Variants in DACH1 observed in about 807,000 individuals in gnomAD.
DACH1 encodes the protein dachshund homolog 1.
DACH1 carries 12 observed loss-of-function variants against 54.2 expected under a neutral mutation model. The ratio of observed to expected loss-of-function variants is 0.22; its 90% CI spans 0.14 to 0.36. The LOEUF is 0.36. Among genes scored for constraint, DACH1 ranks in the 10% least tolerant of loss-of-function variants. The pLI is 1.00. For synonymous variants in DACH1, 386 were observed against 366.2 expected (o/e 1.05, Z -0.62); for missense variants, 805 against 929.8 (o/e 0.87, Z 1.75).
intron 3 of DACH1, among the ~76,000 whole-genome samples, chr13:71,609,980 A>G (rs767831713): frequency 6.6e-6 from 1 of 152,222 alleles, no homozygotes. Context: ...GAAATGAGAC[A>G]TAGTCTTTAT....
At chr13:71,523,350 CATTA>C (rs1881733867) in intron 6 of DACH1, among the ~76,000 whole-genome samples, 1 of 152,128 alleles carries the variant, frequency 6.6e-6, no homozygotes, top group South Asian at 2.1e-4. Flanking sequence ...ATCACCCTCC[CATTA>C]ATTGTCTTCT....
chr13:71,470,087 G>A (rs1276854505), intron 10 of DACH1, among the ~76,000 whole-genome samples: 1 of 152,044 alleles, frequency 6.6e-6, no homozygotes, highest in Non-Finnish European at 1.5e-5. Context: ...CTTAAAAAGT[G>A]AAAGCAAAAA....
In DACH1 at chr13:71,567,628, A is replaced by G. The variant is rs1884970232; in HGVS notation, c.1299+5212T>C. 1.3e-5 allele frequency among the ~76,000 whole-genome samples: 2 copies of G among 152,032 alleles called. 1 individual carries two copies. Among genetic ancestry groups the G allele is most frequent in the South Asian group, 4.1e-4 (2 of 4,830 alleles). On this transcript the variant is annotated intron_variant, in intron 4 of 10. Transcript: ENST00000613252. ...TGTTGGTATATAAAGACTTCCAAAG[A>G]TTAAATAAATAGTAATTTAATCTTT... is the stretch of plus-strand genomic sequence containing the variant.
chr13:71,500,540 A>C (rs2138231371), intron 6 of DACH1, among the ~76,000 whole-genome samples: 1 of 152,308 alleles, frequency 6.6e-6, no homozygotes, highest in East Asian at 1.9e-4. Flanking sequence ...ATTATCATGG[A>C]ATTATAAAAA....
intron 7 of DACH1, among the ~76,000 whole-genome samples, chr13:71,486,325 C>T (rs1289330979): frequency 2.0e-5 from 3 of 152,014 alleles, no homozygotes; most frequent in Non-Finnish European, 4.4e-5. Context: ...ATAGAAAGCA[C>T]AGAACCCTAT....
intron 1 of DACH1, among the ~76,000 whole-genome samples, chr13:71,852,214 C>T (rs540728469): frequency 1.7e-4 from 26 of 152,288 alleles, no homozygotes; most frequent in South Asian, 1.0e-3. Context: ...AGTGACTACC[C>T]GCTGCTTAAC....
chr13:71,600,716 CCA>C (rs987033948), intron 3 of DACH1, among the ~76,000 whole-genome samples: 2 of 151,908 alleles, frequency 1.3e-5, no homozygotes, highest in Non-Finnish European at 2.9e-5. Flanking sequence ...TCAAAGTTAT[CCA>C]CAGATAGACT....
intron 1 of DACH1, among the ~76,000 whole-genome samples, chr13:71,814,562 A>G (rs951150631): frequency 2.6e-5 from 4 of 152,350 alleles, no homozygotes; most frequent in South Asian, 2.1e-4. Context: ...GCATTAAAGG[A>G]CTGAAATTAG....
chr13:71,717,844 T>C (rs527584781), intron 1 of DACH1, among the ~76,000 whole-genome samples: 3 of 151,998 alleles, frequency 2.0e-5, no homozygotes, highest in Admixed American at 6.6e-5. Flanking sequence ...TCTTTCGTTT[T>C]TTCAGTCAAA....
intron 1 of DACH1, among the ~76,000 whole-genome samples, chr13:71,763,075 C>A (rs2138013413): frequency 1.3e-5 from 2 of 152,278 alleles, no homozygotes; most frequent in East Asian, 3.9e-4. Flanking sequence ...GTGTCATAAT[C>A]TTCATCCTCA....
chr13:71,682,680 C>T (rs1029150058), intron 1 of DACH1, among the ~76,000 whole-genome samples: 3 of 152,102 alleles, frequency 2.0e-5, no homozygotes, highest in East Asian at 3.8e-4. Flanking sequence ...TGTAGGGTAT[C>T]ATTAAGGAAC....
Position 71,509,407 on chromosome 13 carries a change from T to C in DACH1, c.1571-20259A>G, listed in dbSNP as rs149390056. 5.1e-4 allele frequency among the ~76,000 whole-genome samples: 78 copies of C among 152,078 alleles called. 2 individuals are homozygous for C. The East Asian group carries it at 0.013, about 26-fold the overall frequency. On this transcript the variant is annotated intron_variant, in intron 6 of 10. Coordinates refer to ENST00000613252, the MANE Select transcript of DACH1 (RefSeq NM_080759.6). ...ATAAAATATAACTAGTAGAAAAAATTAGGAATGAGACTAATAGATGAAAGG... is the reference window on the plus strand; with the variant it reads ...ATAAAATATAACTAGTAGAAAAAATCAGGAATGAGACTAATAGATGAAAGG...
chr13:71,855,826 C>T (rs1566545210), intron 1 of DACH1, among the ~76,000 whole-genome samples: 1 of 151,826 alleles, frequency 6.6e-6, no homozygotes, highest in Non-Finnish European at 1.5e-5. Flanking sequence ...AATGTTATTA[C>T]AAGGAAAAGG....
chr13:71,630,797 A>G (rs1478291668), intron 2 of DACH1, 80 bp from the exon 3 acceptor site: 1 of 1,415,286 alleles, frequency 7.1e-7, no homozygotes, highest in Non-Finnish European at 9.2e-7. Context: ...TATAACCAAC[A>G]TACAAACATT....
chr13:71,739,134 C>T (rs1048063954), intron 1 of DACH1, among the ~76,000 whole-genome samples: 17 of 152,158 alleles, frequency 1.1e-4, no homozygotes, highest in Middle Eastern at 3.4e-3. Flanking sequence ...TGCCTGTAAT[C>T]CTAGCTACGT....
chr13:71,772,827 A>C (rs1885914976), intron 1 of DACH1, among the ~76,000 whole-genome samples: 1 of 151,874 alleles, frequency 6.6e-6, no homozygotes, highest in Non-Finnish European at 1.5e-5. Flanking sequence ...AGTTTAGAGA[A>C]ATAGTATGCT....
chr13:71,561,031 CTAA>C (rs1884550675), intron 4 of DACH1, among the ~76,000 whole-genome samples: 1 of 152,086 alleles, frequency 6.6e-6, no homozygotes, highest in South Asian at 2.1e-4. Context: ...CTGTAGGAGG[CTAA>C]TGTTTCCAAA....
At chr13:71,634,365 C>G (rs1877321406) in intron 2 of DACH1, among the ~76,000 whole-genome samples, 1 of 152,094 alleles carries the variant, frequency 6.6e-6, no homozygotes, top group African/African-American at 2.4e-5. Context: ...TTCTCAGTTC[C>G]CTGCCTATCT....
intron 1 of DACH1, among the ~76,000 whole-genome samples, chr13:71,791,516 G>A (rs1337598336): frequency 3.3e-5 from 5 of 152,040 alleles, no homozygotes; most frequent in Admixed American, 6.6e-5. Flanking sequence ...AAGTAGCTGG[G>A]CTTACAGGCA....
Sources: gnomAD v4.1 joint callset for allele counts (sites outside exome capture counted in the v4.1 genomes callset) on GRCh38, gnomAD v4.1.1 for gene constraint, MANE v1.5 for transcripts, NCBI Gene and HGNC (gene_info 2026-07-23, HGNC 2026-07-21) for gene names.